The following CRCP variants were observed in gnomAD, a reference collection of about 807,000 sequenced individuals.
CRCP encodes DNA-directed RNA polymerase III subunit RPC9.
Under a neutral mutation model 18.5 loss-of-function variants are expected in CRCP, and 18 were observed. The observed-to-expected ratio is 0.97, with a 90% CI of 0.67 to 1.44. The LOEUF (loss-of-function observed/expected upper bound fraction) is 1.44, where lower values mean the gene tolerates loss of function less well. Among genes scored for constraint, CRCP ranks in the 40% most tolerant of loss-of-function variants. The probability of loss-of-function intolerance (pLI) is 0.00; values close to 1 mark genes in which losing one functional copy is unlikely to be tolerated. For synonymous variants in CRCP, 53 were observed against 62.9 expected, an observed-to-expected ratio of 0.84 and a Z score of 0.75; for missense variants, 130 against 176.4, an observed-to-expected ratio of 0.74 and a Z score of 1.49.
intron 5 of CRCP, among the ~76,000 whole-genome samples, chr7:66,150,354 G>GAAACTCTTTCTCAAAAAAAAAA (rs57066308): frequency 6.8e-6 from 1 of 146,526 alleles, no homozygotes; most frequent in African/African-American, 2.5e-5. Context: ...CAACAAGAGT[G>GAAACTCTTTCTCAAAAAAAAAA]AAGGGGGGGA....
intron 2 of CRCP, among the ~76,000 whole-genome samples, chr7:66,129,870 A>G (rs1787739449): frequency 6.6e-6 from 1 of 151,804 alleles, no homozygotes; most frequent in Non-Finnish European, 1.5e-5. Context: ...CATTTTCTTC[A>G]CTTCTGTGGT....
At chr7:66,123,052 T>C (rs549280536) in intron 1 of CRCP, among the ~76,000 whole-genome samples, 3 of 151,728 alleles carry the variant, frequency 2.0e-5, no homozygotes, top group African/African-American at 7.2e-5. Context: ...CCTCCCGGGT[T>C]CACGCCATTC....
intron 1 of CRCP, among the ~76,000 whole-genome samples, chr7:66,116,478 G>C (rs1005101826): frequency 2.5e-5 from 3 of 119,842 alleles, no homozygotes; most frequent in Non-Finnish European, 5.0e-5. Flanking sequence ...GACAGTGTAA[G>C]GCTCTGTCTT....
chr7:66,150,947 CTG>C (rs1788439389), intron 5 of CRCP: 2 of 152,174 alleles, frequency 1.3e-5, no homozygotes, highest in Admixed American at 6.6e-5. Flanking sequence ...CTGGCTCAGG[CTG>C]TGAGTATCAT....
intron 4 of CRCP, 152 bp downstream of exon 4, chr7:66,134,526 A>G: frequency 3.7e-6 from 2 of 536,018 alleles, no homozygotes; most frequent in South Asian, 2.6e-5. Context: ...AGACATAGGG[A>G]CTAGAGTAAG....
chr7:66,149,332 T>C (rs889858616), intron 5 of CRCP, among the ~76,000 whole-genome samples: 1 of 152,114 alleles, frequency 6.6e-6, no homozygotes, highest in Admixed American at 6.6e-5. Context: ...AAGACCAGCC[T>C]GGGCAACCCC....
chr7:66,139,122 GTC>G (rs894424032), intron 4 of CRCP, among the ~76,000 whole-genome samples: 1 of 151,452 alleles, frequency 6.6e-6, no homozygotes, highest in Non-Finnish European at 1.5e-5. Context: ...TTTTTTTCCT[GTC>G]TCTTTTTTTA....
Position 66,121,418 on chromosome 7 carries a change from T to C in CRCP, c.9-6286T>C, listed in dbSNP as rs117722368. ...TGACAATTTAAAAATAAAAATTTCT[T>C]GACCATTACTTGGAAATGTATTTTC... On this transcript the variant is annotated intron_variant, in intron 1 of 5. Transcript: ENST00000395326. Among the ~76,000 whole-genome samples, 1,520 of 152,208 alleles carry C rather than the reference T, an allele frequency of 1.0e-2. 15 individuals carry two copies. Among genetic ancestry groups the C allele is most frequent in the Non-Finnish European group, 0.017 (1,189 of 68,018 alleles).
At chr7:66,143,498 T>A (rs930763186) in intron 4 of CRCP, among the ~76,000 whole-genome samples, 4 of 152,096 alleles carry the variant, frequency 2.6e-5, no homozygotes, top group Admixed American at 6.6e-5. Context: ...TGGCTGGCTG[T>A]CCCTCCCATC....
At chr7:66,128,378 G>A (rs976829480) in intron 2 of CRCP, among the ~76,000 whole-genome samples, 8 of 152,118 alleles carry the variant, frequency 5.3e-5, no homozygotes, top group African/African-American at 1.7e-4. Flanking sequence ...GTTTCTGTCT[G>A]CAGAATTTCC....
chr7:66,124,081 G>T (rs1461080890), intron 1 of CRCP, among the ~76,000 whole-genome samples: 1 of 47,500 alleles, frequency 2.1e-5, no homozygotes, highest in East Asian at 1.1e-3. Flanking sequence ...AAAAAAAAAA[G>T]CCATGCCCAG....
intron 2 of CRCP, chr7:66,130,194 C>G (rs2115928351): frequency 4.0e-6 from 1 of 248,440 alleles, no homozygotes; most frequent in Non-Finnish European, 7.7e-6. Flanking sequence ...CAACCTCTGC[C>G]TCCCGGATTC....
intron 1 of CRCP, among the ~76,000 whole-genome samples, chr7:66,121,187 G>T (rs1413385354): frequency 6.6e-6 from 1 of 151,604 alleles, no homozygotes; most frequent in Non-Finnish European, 1.5e-5. Flanking sequence ...CAGTCCTCCT[G>T]CCTGAGCCTA....
intron 1 of CRCP, among the ~76,000 whole-genome samples, chr7:66,126,393 G>A (rs576524394): frequency 6.7e-6 from 1 of 149,250 alleles, no homozygotes; most frequent in South Asian, 2.1e-4. Flanking sequence ...CCCTCTACCT[G>A]ATTTTTAAGG....
At chr7:66,130,303 A>C (rs1320917676) in intron 2 of CRCP, 2 of 208,444 alleles carry the variant, frequency 9.6e-6, no homozygotes, top group Non-Finnish European at 1.9e-5. Context: ...ATGGGGTTTC[A>C]CCGTGTTAGC....
At chr7:66,127,302 C>T (rs914399197) in intron 1 of CRCP, among the ~76,000 whole-genome samples, 6 of 152,208 alleles carry the variant, frequency 3.9e-5, no homozygotes, top group Admixed American at 6.6e-5. Flanking sequence ...GTTGAGTTGA[C>T]GTAGGTGGTG....
chr7:66,138,395 TA>T (rs541574143), intron 4 of CRCP, among the ~76,000 whole-genome samples: 11 of 151,416 alleles, frequency 7.3e-5, no homozygotes, highest in South Asian at 2.1e-4. Flanking sequence ...AATAATTAAT[TA>T]AAAAAAAATT....
chr7:66,126,363 A>G (rs958916277), intron 1 of CRCP, among the ~76,000 whole-genome samples: 4 of 60,798 alleles, frequency 6.6e-5, no homozygotes, highest in Admixed American at 5.8e-4. Flanking sequence ...TCTGTTGCAC[A>G]TTACAAATCA....
chr7:66,126,018 A>C (rs1047181776), intron 1 of CRCP, among the ~76,000 whole-genome samples: 2 of 149,494 alleles, frequency 1.3e-5, no homozygotes, highest in Non-Finnish European at 3.0e-5. Flanking sequence ...CACATGCACT[A>C]ATTATGCATT....
Sources: allele counts gnomAD v4.1 joint callset (sites outside exome capture counted in the v4.1 genomes callset), GRCh38; gene constraint gnomAD v4.1.1; transcripts MANE v1.5; gene names NCBI Gene and HGNC (gene_info 2026-07-23, HGNC 2026-07-21).